Variants in CEP72 observed in about 807,000 individuals in gnomAD.
CEP72 encodes the protein centrosomal protein of 72 kDa.
A neutral mutation model predicts 65.7 loss-of-function variants in CEP72; 78 were observed. The observed-to-expected ratio is 1.19, with a 90% confidence interval of 0.99 to 1.43. CEP72 has a LOEUF of 1.43. CEP72 is among the 40% of genes most tolerant of loss of function. CEP72 has a pLI of 0.00. For missense variants in CEP72, 914 were observed against 832.9 expected (o/e 1.10, Z -1.20); for synonymous variants, 358 against 351.7 (o/e 1.02, Z -0.20).
Position 633,901 on chromosome 5 carries a change from G to C in CEP72, c.645G>C (p.Thr215=). ...EWDLGRPPGS[T]SFSQKGREAD... is the part of the protein sequence containing the mutation. ...ACCTCGGCAGGCCTCCCGGGAGCAC[G>C]AGCTTCAGCCAGAAGGGGCGTGAGG... The change falls in exon 5 of 12, where the codon ACG becomes ACC. Residue 215 remains threonine, a synonymous_variant. Coordinates refer to ENST00000264935, the MANE Select transcript of CEP72 (RefSeq NM_018140.4). 2 of 1,613,162 alleles carry C rather than the reference G, an allele frequency of 1.2e-6. No individual in the cohort carries two copies. The highest frequency in any genetic ancestry group is 1.7e-6 in the Non-Finnish European group (2 of 1,180,038).
At chr5:642,691 T>A (rs1738137725) in intron 9 of CEP72, 1 of 985,294 alleles carries the variant, frequency 1.0e-6, no homozygotes, top group Admixed American at 6.1e-5. Context: ...GCAGCCCTGG[T>A]TCCCTGTCAG....
intron 6 of CEP72, among the ~76,000 whole-genome samples, chr5:636,715 C>T (rs1393378258): frequency 1.3e-5 from 2 of 148,938 alleles, no homozygotes; most frequent in Non-Finnish European, 3.0e-5. Flanking sequence ...GAGGCTGAGG[C>T]ATGAGAATCG....
downstream of CEP72, among the ~76,000 whole-genome samples, chr5:654,266 T>C (rs1159225570): frequency 2.7e-5 from 4 of 148,212 alleles, no homozygotes; most frequent in African/African-American, 7.8e-5. Context: ...TGTGTGTGTG[T>C]GCTTGTGCGC....
intron 10 of CEP72, among the ~76,000 whole-genome samples, chr5:646,756 G>A (rs1282753648): frequency 6.6e-6 from 1 of 152,236 alleles, no homozygotes; most frequent in Non-Finnish European, 1.5e-5. Context: ...TTTCCCAAGG[G>A]AGCAAAGGAC....
intron 8 of CEP72, among the ~76,000 whole-genome samples, chr5:639,794 C>T (rs1330508218): frequency 2.0e-5 from 3 of 152,220 alleles, no homozygotes; most frequent in African/African-American, 7.2e-5. Context: ...GTCCTGCATC[C>T]TGGGGTGTGG....
chr5:653,285 G>A lies in CEP72; in HGVS notation c.*132G>A. The stretch of plus-strand genomic sequence containing the variant: ...CTGTTGGTAATTATTTAGGATTTTT[G>A]GAATGTATTCAGGACCTGTAGCTTG... On this transcript the variant is annotated 3_prime_UTR_variant, in exon 12 of 12. Coordinates refer to ENST00000264935, the MANE Select transcript of CEP72 (RefSeq NM_018140.4). 1 of 961,590 alleles carries A rather than the reference G, an allele frequency of 1.0e-6. No homozygotes were observed. The allele number at this position is 961,590 out of a possible 1,614,324, so 59.6% of individuals were successfully genotyped here. A position where few individuals can be genotyped will look rare whatever the true frequency, so the allele number is the denominator to read the frequency against.
In CEP72 at chr5:640,555, G is replaced by A. The variant is rs547677013; in HGVS notation, c.1490G>A (p.Arg497Gln). Residue 497 changes from arginine to glutamine, a missense_variant, in exon 9 of 12, where the codon CGG (arginine) becomes CAG (glutamine). Coordinates refer to ENST00000264935, the MANE Select transcript of CEP72 (RefSeq NM_018140.4). ...RLAEQQQQHA[R>Q]EMSEVTAELH... is the part of the protein sequence containing the mutation. ...GCTGAGCAGCAGCAGCAGCACGCCC[G>A]GGAGATGAGCGAGGTGACGGCGGAG... 1.9e-5 allele frequency: 30 copies of A among 1,614,040 alleles called. No homozygotes were observed. Among genetic ancestry groups the A allele is most frequent in the East Asian group, 1.1e-4 (5 of 44,886 alleles).
chr5:619,504 T>G (rs1736236214), intron 2 of CEP72, among the ~76,000 whole-genome samples: 1 of 151,974 alleles, frequency 6.6e-6, no homozygotes, highest in Non-Finnish European at 1.5e-5. Flanking sequence ...GGGATGCGCC[T>G]GCCCTGAGCC....
At chr5:648,564 GGACTGTGAGGTGT>G (rs1324140284) in intron 11 of CEP72, among the ~76,000 whole-genome samples, 36 of 100,862 alleles carry the variant, frequency 3.6e-4, no homozygotes, top group South Asian at 2.0e-3. Flanking sequence ...TGTGAGGTGT[GGACTGTGAGGTGT>G]GACTGTGAGG....
intron 5 of CEP72, 106 bp downstream of exon 5, chr5:634,053 T>A: frequency 1.0e-6 from 1 of 994,310 alleles, no homozygotes; most frequent in Non-Finnish European, 1.5e-6. Flanking sequence ...GGAACTTACC[T>A]TGAAGGATAG....
intron 2 of CEP72, chr5:664,900 C>T: frequency 4.9e-6 from 3 of 609,688 alleles, no homozygotes; most frequent in South Asian, 4.1e-5. Context: ...AACTGGGGCC[C>T]AAACCTGGTT....
At chr5:646,093 G>A (rs375618656) in intron 10 of CEP72, among the ~76,000 whole-genome samples, 2 of 152,206 alleles carry the variant, frequency 1.3e-5, no homozygotes, top group Non-Finnish European at 2.9e-5. Flanking sequence ...TCCCATTGGC[G>A]GCCTGTGTGG....
downstream of CEP72, among the ~76,000 whole-genome samples, chr5:655,290 C>T (rs1469789911): frequency 3.3e-5 from 5 of 151,628 alleles, no homozygotes; most frequent in Admixed American, 6.6e-5. This position sits in a 1 kb window ranked among gnomAD's most constrained non-coding sequence, Gnocchi z 5.0. Context: ...ACCTGGGAGG[C>T]GGAGGTTGCA....
downstream of CEP72, among the ~76,000 whole-genome samples, chr5:668,496 A>G (rs1488497177): frequency 6.6e-6 from 1 of 151,768 alleles, no homozygotes; most frequent in Non-Finnish European, 1.5e-5. Context: ...AGGGAAGTGC[A>G]GATGGAAACC....
In CEP72 at chr5:624,098, G is replaced by T. The variant is rs532933948; in HGVS notation, c.404-373G>T. On this transcript the variant is annotated intron_variant, in intron 3 of 11. Transcript: ENST00000264935. The surrounding 1 kb of genome is among the most constrained non-coding windows in gnomAD (Gnocchi z 4.7). ...CACAGACCCAAAAGGCCTCCTGGAA[G>T]TTGCAGCCTCTCGGGCCGGGCAGGC... Among the ~76,000 whole-genome samples, 1 of 152,318 alleles carries T rather than the reference G, an allele frequency of 6.6e-6. No homozygotes were observed. The highest frequency in any genetic ancestry group is 2.1e-4 in the South Asian group (1 of 4,822).
At chr5:661,032 T>G (rs1002789093), downstream of CEP72, 11 of 152,446 alleles carry the variant, frequency 7.2e-5, no homozygotes, top group African/African-American at 2.4e-4. Flanking sequence ...TTAATTTTGG[T>G]AACGCTAATT....
At chr5:672,544 T>A in the CEP72 span, among the ~76,000 whole-genome samples, 2 of 152,190 alleles carry the variant, frequency 1.3e-5, no homozygotes, top group African/African-American at 4.8e-5. Context: ...GATGGACCCA[T>A]AGGGGGCCAG....
In CEP72 at chr5:637,643, C is replaced by T. The variant is rs760351806; in HGVS notation, c.1031C>T (p.Thr344Met). Residue 344 changes from threonine to methionine, a missense_variant, in exon 7 of 12, where the codon ACG (threonine) becomes ATG (methionine). Transcript: ENST00000264935. ...AGAATGCCTGTTGGAAGATTCCAGA[C>T]GTTTTCGGACCAGGAGGGTTTGGGC... Reference protein sequence around the residue: ...KRRMPVGRFQTFSDQEGLGCP... With the variant: ...KRRMPVGRFQMFSDQEGLGCP... 54 of 1,614,042 alleles carry T rather than the reference C, an allele frequency of 3.3e-5. No individual in the cohort carries two copies. Among genetic ancestry groups the T allele is most frequent in the Non-Finnish European group, 4.3e-5 (51 of 1,180,050 alleles).
At chr5:653,705 T>C (rs529984481), downstream of CEP72, among the ~76,000 whole-genome samples, 28 of 152,260 alleles carry the variant, frequency 1.8e-4, no homozygotes, top group African/African-American at 6.7e-4. Flanking sequence ...GAAAAAACCT[T>C]AAAAATATTG....
Sources: gnomAD v4.1 joint callset for allele counts (sites outside exome capture counted in the v4.1 genomes callset) on GRCh38, gnomAD v4.1.1 for gene constraint, Gnocchi (gnomAD v3.1) non-coding constraint, MANE v1.5 for transcripts, NCBI Gene and HGNC (gene_info 2026-07-23, HGNC 2026-07-21) for gene names.